FMO4: variants seen among roughly 807,000 people sequenced by gnomAD.
FMO4 encodes flavin containing dimethylaniline monoxygenase 4.
A neutral mutation model predicts 43.3 loss-of-function variants in FMO4; 38 were observed. That is an observed-to-expected ratio of 0.88 (90% CI 0.68 to 1.15). FMO4 has a LOEUF of 1.15. FMO4 is among the 50% of genes most tolerant of loss of function. The pLI, the probability that FMO4 is intolerant of heterozygous loss-of-function variation, is 0.00. For synonymous variants in FMO4, 224 were observed against 232.2 expected (o/e 0.96, Z 0.32); for missense variants, 631 against 663.3 (o/e 0.95, Z 0.54).
At chr1:171,330,786 G>A (rs777164873) in intron 5 of FMO4, among the ~76,000 whole-genome samples, 5 of 152,084 alleles carry the variant, frequency 3.3e-5, no homozygotes, top group Non-Finnish European at 7.4e-5. Context: ...TGTCTGCCAA[G>A]GAGATAATCA....
chr1:171,327,082 A>G (rs779720679), intron 5 of FMO4, among the ~76,000 whole-genome samples: 6 of 152,202 alleles, frequency 3.9e-5, no homozygotes, highest in Non-Finnish European at 5.9e-5. Flanking sequence ...AAAATCCATG[A>G]GCAAAGTTGA....
intron 8 of FMO4, among the ~76,000 whole-genome samples, chr1:171,336,474 T>C (rs890760234): frequency 1.3e-5 from 2 of 152,024 alleles, no homozygotes; most frequent in African/African-American, 4.8e-5. Flanking sequence ...AGATGGGAGA[T>C]TGGGAATGAG....
intron 2 of FMO4, 84 bp from the exon 3 acceptor site, chr1:171,319,734 G>A (rs769408566): frequency 2.7e-5 from 32 of 1,184,472 alleles, no homozygotes; most frequent in Non-Finnish European, 3.6e-5. Context: ...GGCATATATA[G>A]CACTACAAAA....
intron 4 of FMO4, among the ~76,000 whole-genome samples, chr1:171,323,487 A>G (rs945756719): frequency 6.6e-6 from 1 of 152,114 alleles, no homozygotes; most frequent in African/African-American, 2.4e-5. Context: ...AACATGGTGA[A>G]ATTCCACCTT....
intron 9 of FMO4, 111 bp downstream of exon 9, chr1:171,337,536 A>G (rs1224682270): frequency 1.3e-6 from 1 of 743,164 alleles, no homozygotes. Context: ...GTTGGAAATA[A>G]CTCTGCATTA....
At chr1:171,315,378 C>T (rs774306001) in intron 1 of FMO4, among the ~76,000 whole-genome samples, 4 of 152,132 alleles carry the variant, frequency 2.6e-5, no homozygotes, top group South Asian at 4.1e-4. Context: ...TTTGCACACA[C>T]GTTCTCCCAA....
Position 171,338,080 on chromosome 1 carries a change from G to A in FMO4, c.1250+655G>A, listed in dbSNP as rs151150126. Among the ~76,000 whole-genome samples the A allele has an allele frequency of 1.5e-3, 222 of 152,142 alleles. 1 individual carries two copies. The highest frequency in any genetic ancestry group is 5.1e-3 in the African/African-American group (212 of 41,520). ...TGATCTGAAACTTTTCCCCATCTCA[G>A]TTCATAGCTACTCATTCCAGTTGGT... On this transcript the variant is annotated intron_variant, in intron 9 of 9. Transcript: ENST00000367749.
intron 5 of FMO4, among the ~76,000 whole-genome samples, chr1:171,328,007 C>T (rs1015370564): frequency 6.6e-6 from 1 of 152,088 alleles, no homozygotes; most frequent in African/African-American, 2.4e-5. Context: ...TTTCTGTTTA[C>T]TTACTTACAT....
intron 7 of FMO4, among the ~76,000 whole-genome samples, chr1:171,334,196 T>C (rs1343246859): frequency 1.3e-5 from 2 of 151,934 alleles, no homozygotes; most frequent in Non-Finnish European, 2.9e-5. Flanking sequence ...CAAGAAAGAG[T>C]AGGTTTAGTC....
rs748597110 is a variant in FMO4 at position 171,331,632 on chromosome 1, C to A, written c.485-8C>A. The A allele has an allele frequency of 6.2e-6, 10 of 1,613,196 alleles. No homozygotes were observed. The highest frequency in any genetic ancestry group is 8.5e-6 in the Non-Finnish European group (10 of 1,179,296). ...ATTTCAGACTTTCTGATCCTTCACT[C>A]CTCTCAGGAATTCATAAGTTTAAAG... On this transcript the variant is annotated splice_polypyrimidine_tract_variant and splice_region_variant and intron_variant, in intron 5 of 9. Coordinates refer to ENST00000367749, the MANE Select transcript of FMO4 (RefSeq NM_002022.3).
At chr1:171,328,156 T>C (rs1662742950) in intron 5 of FMO4, among the ~76,000 whole-genome samples, 2 of 152,234 alleles carry the variant, frequency 1.3e-5, no homozygotes, top group South Asian at 4.1e-4. Flanking sequence ...TTCTCCTGTC[T>C]CAGCCTCCTG....
chr1:171,316,187 G>A lies in FMO4; in HGVS notation c.-149G>A, dbSNP rs996674358. On this transcript the variant is annotated splice_region_variant and 5_prime_UTR_variant, in exon 2 of 10. Coordinates refer to ENST00000367749, the MANE Select transcript of FMO4 (RefSeq NM_002022.3). ...TTTCTTTTTACCTTATGATTGCAGA[G>A]ATAGAGCACAGCAAAGATCTGCCAG... The A allele has an allele frequency of 2.0e-4, 30 of 152,124 alleles. No individual in the cohort carries two copies. Among genetic ancestry groups the A allele is most frequent in the African/African-American group, 7.2e-4 (30 of 41,438 alleles). The allele number at this position is 152,124 out of a possible 1,614,324, so 9.4% of individuals were successfully genotyped here.
At chr1:171,322,566 A>T (rs1662478513) in intron 3 of FMO4, among the ~76,000 whole-genome samples, 1 of 152,180 alleles carries the variant, frequency 6.6e-6, no homozygotes, top group Non-Finnish European at 1.5e-5. Flanking sequence ...AAAATTACAA[A>T]TAGTGGCTGG....
rs536741358 is a variant in FMO4, at chr1:171,318,316, A to AAATAATAATAATAATAATAATAAT, written c.-8-1497_-8-1474dup. Among the ~76,000 whole-genome samples the AAATAATAATAATAATAATAATAAT allele has an allele frequency of 3.5e-4, 52 of 149,032 alleles. 1 individual carries two copies. The highest frequency in any genetic ancestry group is 7.0e-3 in the Middle Eastern group (2 of 286). Reference sequence around the variant, plus strand: ...TGGGTGACAGAGCAAGACTGTCTCAAAATAATAATAATAATAATAATAATA... The same window carrying AAATAATAATAATAATAATAATAAT: ...TGGGTGACAGAGCAAGACTGTCTCAAAATAATAATAATAATAATAATAATAATAATAATAATAATAATAATAATA... On this transcript the variant is annotated intron_variant, in intron 2 of 9. Coordinates refer to ENST00000367749, the MANE Select transcript of FMO4 (RefSeq NM_002022.3).
chr1:171,339,545 C>G (rs1219266696), intron 9 of FMO4, among the ~76,000 whole-genome samples: 1 of 152,128 alleles, frequency 6.6e-6, no homozygotes, highest in Non-Finnish European at 1.5e-5. Context: ...CGAGCTGTTG[C>G]AATTCTTTGT....
At chr1:171,323,772 T>A (rs1011723497) in intron 4 of FMO4, among the ~76,000 whole-genome samples, 1 of 152,168 alleles carries the variant, frequency 6.6e-6, no homozygotes, top group Non-Finnish European at 1.5e-5. Context: ...ATTTTGTCCA[T>A]GAAGCCCATT....
intron 5 of FMO4, among the ~76,000 whole-genome samples, chr1:171,328,386 C>T (rs956723204): frequency 6.6e-6 from 1 of 152,002 alleles, no homozygotes; most frequent in Non-Finnish European, 1.5e-5. Flanking sequence ...CGCGGTGGCT[C>T]ACACCTATAA....
chr1:171,337,488 A>G (rs1316620465), intron 9 of FMO4, 63 bp downstream of exon 9: 1 of 1,133,424 alleles, frequency 8.8e-7, no homozygotes, highest in Admixed American at 1.8e-5. Context: ...AAAAGGATTC[A>G]GAGTATAAAA....
chr1:171,319,983 T>G (rs762878091), intron 3 of FMO4, 26 bp downstream of exon 3: 1 of 1,612,646 alleles, frequency 6.2e-7, no homozygotes, highest in Admixed American at 1.7e-5. Flanking sequence ...CTATCAGTCA[T>G]GATCTGGCCA....
Sources: allele counts gnomAD v4.1 joint callset (sites outside exome capture counted in the v4.1 genomes callset), GRCh38; gene constraint gnomAD v4.1.1; transcripts MANE v1.5; gene names NCBI Gene and HGNC (gene_info 2026-07-23, HGNC 2026-07-21).